Variants in LCOR observed in about 807,000 individuals in gnomAD.
LCOR encodes ligand dependent nuclear receptor corepressor.
In LCOR, 14 loss-of-function variants were observed where a neutral mutation model predicts 64.4. The ratio of observed to expected loss-of-function variants is 0.22; its 90% CI spans 0.14 to 0.34. The LOEUF is 0.34. Among genes scored for constraint, LCOR ranks in the 10% least tolerant of loss-of-function variants. The pLI is 1.00. For synonymous variants in LCOR, 643 were observed against 642.5 expected (o/e 1.00, Z -0.01); for missense variants, 1,686 against 1,765.3 (o/e 0.96, Z 0.80).
intron 2 of LCOR, among the ~76,000 whole-genome samples, chr10:96,857,023 C>T (rs1017992932): frequency 1.1e-4 from 16 of 152,022 alleles, no homozygotes; most frequent in Non-Finnish European, 1.6e-4. Context: ...CATTCTCTTA[C>T]TCTTTTTTTT....
rs559380285 is a variant in LCOR at position 96,949,581 on chromosome 10, A to G, written c.238+286A>G. On this transcript the variant is annotated intron_variant, in intron 6 of 7. Coordinates refer to ENST00000421806, the MANE Select transcript of LCOR (RefSeq NM_001346516.2). ...CTTGATATTTATATAAGCATTTTAT[A>G]TTTTCCATAGTATTTTTATGTTTTT... Among the ~76,000 whole-genome samples the G allele has an allele frequency of 1.7e-3, 256 of 152,238 alleles. 2 individuals carry two copies. The highest frequency in any genetic ancestry group is 5.8e-3 in the African/African-American group (239 of 41,548).
chr10:96,873,571 C>T lies in LCOR; in HGVS notation c.-329-33694C>T, dbSNP rs12412377. ...TTGTTTTTCGATACACACACACACACGTGTGTGTGTGTGTGTGTGTGTGTG... is the reference window on the plus strand; with the variant it reads ...TTGTTTTTCGATACACACACACACATGTGTGTGTGTGTGTGTGTGTGTGTG... On this transcript the variant is annotated intron_variant, in intron 2 of 7. Coordinates refer to ENST00000421806, the MANE Select transcript of LCOR (RefSeq NM_001346516.2). Among the ~76,000 whole-genome samples the T allele has an allele frequency of 6.9e-3, 870 of 126,298 alleles. 5 individuals carry two copies. Among genetic ancestry groups the T allele is most frequent in the African/African-American group, 0.02 (709 of 35,542 alleles). 82.9% of individuals were successfully genotyped at this position (126,298 alleles called of 152,430 possible).
At chr10:96,869,924 T>C (rs924881832) in intron 2 of LCOR, among the ~76,000 whole-genome samples, 2 of 152,150 alleles carry the variant, frequency 1.3e-5, no homozygotes, top group Non-Finnish European at 2.9e-5. Context: ...AACTGTAAGC[T>C]TCATGAGGAT....
Position 96,952,105 on chromosome 10 carries a change from G to A in LCOR, c.241G>A (p.Gly81Ser), listed in dbSNP as rs540928773. ...KSQSEPSEQDGVLDLSTKKSP... is the reference protein window; with the variant it reads ...KSQSEPSEQDSVLDLSTKKSP... ...GGTGTTTCTTTGTGTCTCTGCAGACGGTGTACTTGATCTGTCCACTAAGAA... is the reference window on the plus strand; with the variant it reads ...GGTGTTTCTTTGTGTCTCTGCAGACAGTGTACTTGATCTGTCCACTAAGAA... Residue 81 changes from glycine to serine, a missense_variant and splice_region_variant, in exon 7 of 8, where the codon GGT becomes AGT. Physicochemically the swap from Gly to Ser is moderately conservative, Grantham distance 56. Transcript: ENST00000421806. The A allele has an allele frequency of 4.3e-6, 7 of 1,611,292 alleles. No individual in the cohort carries two copies. The highest frequency in any genetic ancestry group is 2.2e-5 in the East Asian group (1 of 44,838).
chr10:96,890,385 C>G (rs1846419771), intron 2 of LCOR, among the ~76,000 whole-genome samples: 1 of 152,128 alleles, frequency 6.6e-6, no homozygotes, highest in Admixed American at 6.5e-5. Flanking sequence ...CCTGCCCAGC[C>G]TAAAACTGAT....
chr10:96,893,115 A>G (rs1846473941), intron 2 of LCOR, among the ~76,000 whole-genome samples: 1 of 152,144 alleles, frequency 6.6e-6, no homozygotes, highest in African/African-American at 2.4e-5. Flanking sequence ...TGGGGATTAT[A>G]ATTAACACCT....
rs1845783346 is a variant in LCOR at position 96,855,264 on chromosome 10, CAGAAT to C, written c.-330+21786_-330+21790del. Among the ~76,000 whole-genome samples the C allele has an allele frequency of 5.3e-5, 8 of 152,220 alleles. No individual in the cohort carries two copies. In the South Asian group the frequency reaches 1.2e-3, roughly 24 times the overall value. On this transcript the variant is annotated intron_variant, in intron 2 of 7. Transcript: ENST00000421806. ...GCTATATGCATTTGTGTGAGACATA[CAGAAT>C]GATGGATGAGAATTATTTCTGTGTA... is the stretch of plus-strand genomic sequence containing the variant.
At chr10:96,958,291 G>GT in intron 7 of LCOR, 1 of 1,453,850 alleles carries the variant, frequency 6.9e-7, no homozygotes, top group Non-Finnish European at 9.1e-7. Context: ...GTTCAGAGAG[G>GT]TTTAATCCTA....
intron 7 of LCOR, chr10:96,956,730 A>T: frequency 1.0e-6 from 1 of 985,744 alleles, no homozygotes; most frequent in Non-Finnish European, 1.2e-6. Flanking sequence ...CTCATGGAGG[A>T]CGAGCTCCGT....
At position 96,992,694 on chromosome 10, in the gene LCOR, TAAC is replaced by T. The variant is rs1246922981; in HGVS notation, c.*7562_*7564del. ...CAGTTGGTACATTCAGCTGTACACT[TAAC>T]AGCCTGTACAGGAAAATGAGCCTTA... On this transcript the variant is annotated 3_prime_UTR_variant, in exon 8 of 8. Transcript: ENST00000421806. 2.0e-5 allele frequency: 3 copies of T among 152,224 alleles called. No homozygotes were observed. In the South Asian group the frequency reaches 6.2e-4, roughly 32 times the overall value. 9.4% of individuals were successfully genotyped at this position (152,224 alleles called of 1,614,324 possible).
intron 2 of LCOR, among the ~76,000 whole-genome samples, chr10:96,837,667 A>G (rs1845470646): frequency 1.3e-5 from 2 of 152,172 alleles, no homozygotes; most frequent in African/African-American, 2.4e-5. Context: ...TTACAGACCT[A>G]TTTTTGGAAT....
chr10:96,879,395 T>C lies in LCOR; in HGVS notation c.-329-27870T>C, dbSNP rs1471965372. On this transcript the variant is annotated intron_variant, in intron 2 of 7. Coordinates refer to ENST00000421806, the MANE Select transcript of LCOR (RefSeq NM_001346516.2). ...ATTTCCTGTTATTTTATTGTAGTCATGAATGGAGAGTGAGGATTCAAGCAA... is the reference window on the plus strand; with the variant it reads ...ATTTCCTGTTATTTTATTGTAGTCACGAATGGAGAGTGAGGATTCAAGCAA... Among the ~76,000 whole-genome samples the C allele has an allele frequency of 3.3e-5, 5 of 152,136 alleles. No individual in the cohort carries two copies. The East Asian group carries it at 7.7e-4, about 23-fold the overall frequency.
intron 2 of LCOR, among the ~76,000 whole-genome samples, chr10:96,866,997 A>AT (rs1206536127): frequency 1.3e-5 from 2 of 151,104 alleles, no homozygotes; most frequent in Non-Finnish European, 3.0e-5. Context: ...TATTACTATT[A>AT]TTTTTTTTGA....
At chr10:96,852,501 T>A (rs1252104238) in intron 2 of LCOR, among the ~76,000 whole-genome samples, 1 of 152,208 alleles carries the variant, frequency 6.6e-6, no homozygotes, top group Admixed American at 6.5e-5. Context: ...AATCTTGTGT[T>A]TAGACTTGTG....
chr10:96,836,363 C>T (rs916362267), intron 2 of LCOR, among the ~76,000 whole-genome samples: 2 of 152,102 alleles, frequency 1.3e-5, no homozygotes, highest in Non-Finnish European at 2.9e-5. Context: ...GTCTCAGCCT[C>T]CCAAAGTCAC....
At chr10:96,875,385 A>T (rs57408003) in intron 2 of LCOR, among the ~76,000 whole-genome samples, 28,099 of 151,610 alleles carry the variant, frequency 0.19, 3,601 homozygotes, top group African/African-American at 0.36. Context: ...ATAAAAAAAA[A>T]AATAATAATA....
At chr10:96,884,109 A>G (rs926874233) in intron 2 of LCOR, among the ~76,000 whole-genome samples, 1 of 152,144 alleles carries the variant, frequency 6.6e-6, no homozygotes, top group Non-Finnish European at 1.5e-5. Context: ...AAGATTCAGG[A>G]GGTCAAAACT....
At chr10:96,966,390 G>A (rs1422340186) in intron 7 of LCOR, among the ~76,000 whole-genome samples, 5 of 151,740 alleles carry the variant, frequency 3.3e-5, no homozygotes, top group African/African-American at 4.8e-5. Flanking sequence ...CAACACGCCC[G>A]GCTAATTTTT....
chr10:96,837,211 T>C (rs563265261), intron 2 of LCOR, among the ~76,000 whole-genome samples: 90 of 152,246 alleles, frequency 5.9e-4, no homozygotes, highest in South Asian at 1.2e-3. Context: ...AGGATGGTCT[T>C]GATCTGCTGA....
Sources: allele counts gnomAD v4.1 joint callset (sites outside exome capture counted in the v4.1 genomes callset), GRCh38; gene constraint gnomAD v4.1.1; transcripts MANE v1.5; gene names NCBI Gene and HGNC (gene_info 2026-07-23, HGNC 2026-07-21).